ELOVL7: variants seen among roughly 807,000 people sequenced by gnomAD.
ELOVL7 encodes ELOVL fatty acid elongase 7, also known as very long chain fatty acid elongase 7.
Under a neutral mutation model 35.7 loss-of-function variants are expected in ELOVL7, and 27 were observed. That is an observed-to-expected ratio of 0.76 (90% confidence interval 0.56 to 1.04). ELOVL7 has a LOEUF of 1.04. Ranked by LOEUF, ELOVL7 falls within the 50% of genes least tolerant of loss-of-function variation. ELOVL7 has a pLI of 0.00. For missense variants in ELOVL7, 327 were observed against 340.8 expected (o/e 0.96, Z 0.32); for synonymous variants, 113 against 114.6 (o/e 0.99, Z 0.09).
intron 1 of ELOVL7, among the ~76,000 whole-genome samples, chr5:60,838,841 T>G (rs1408620959): frequency 6.6e-6 from 1 of 150,462 alleles, no homozygotes; most frequent in African/African-American, 2.5e-5. Context: ...CTGGCCAACA[T>G]AGTGAAACCC....
intron 8 of ELOVL7, among the ~76,000 whole-genome samples, chr5:60,756,136 A>G (rs1584141125): frequency 6.6e-6 from 1 of 152,264 alleles, no homozygotes; most frequent in South Asian, 2.1e-4. Flanking sequence ...TATAATAGAC[A>G]TATTTGAGAA....
intron 1 of ELOVL7, among the ~76,000 whole-genome samples, chr5:60,800,302 T>A (rs1744528023): frequency 6.6e-6 from 1 of 152,174 alleles, no homozygotes; most frequent in Admixed American, 6.5e-5. Context: ...GTGGGATTTA[T>A]CCCTAGGATA....
chr5:60,769,622 G>C (rs753863478), intron 4 of ELOVL7, among the ~76,000 whole-genome samples: 1 of 152,164 alleles, frequency 6.6e-6, no homozygotes, highest in Non-Finnish European at 1.5e-5. Context: ...CCATGTGTTC[G>C]GATGTGCCAT....
rs1035710974 is a variant in ELOVL7 at position 60,771,887 on chromosome 5, T to C, written c.255+16A>G. 6.5e-7 allele frequency: 1 copy of C among 1,543,066 alleles called. No homozygotes were observed. Among genetic ancestry groups the C allele is most frequent in the Non-Finnish European group, 8.8e-7 (1 of 1,135,428 alleles). ...TCAGGCAAAATTCTCCCATTAGGAA[T>C]ACTGAAGACACTTGCCTCATAACAC... On this transcript the variant is annotated intron_variant, in intron 4 of 8. Coordinates refer to ENST00000508821, the MANE Select transcript of ELOVL7 (RefSeq NM_024930.3).
intron 1 of ELOVL7, among the ~76,000 whole-genome samples, chr5:60,839,069 G>C (rs1250175006): frequency 6.6e-6 from 1 of 151,592 alleles, no homozygotes; most frequent in Non-Finnish European, 1.5e-5. Flanking sequence ...CAGGCATGAT[G>C]GCTCACGCCT....
At chr5:60,787,902 A>C (rs1352444417) in intron 2 of ELOVL7, among the ~76,000 whole-genome samples, 4 of 152,204 alleles carry the variant, frequency 2.6e-5, no homozygotes, top group Non-Finnish European at 5.9e-5. Context: ...AATTTTTATA[A>C]TTTAAGTAGA....
intron 4 of ELOVL7, among the ~76,000 whole-genome samples, chr5:60,771,210 A>C (rs1380965822): frequency 2.6e-5 from 4 of 152,204 alleles, no homozygotes; most frequent in Non-Finnish European, 5.9e-5. Context: ...GAAGGAAGGA[A>C]TCTCAGAAAA....
intron 2 of ELOVL7, among the ~76,000 whole-genome samples, chr5:60,791,024 C>G (rs1272079049): frequency 6.6e-6 from 1 of 152,176 alleles, no homozygotes; most frequent in Admixed American, 6.5e-5. Context: ...GTCACCCAGG[C>G]TGGAGTGCAC....
chr5:60,780,831 CAT>C (rs1173756485), intron 3 of ELOVL7, among the ~76,000 whole-genome samples: 2 of 151,966 alleles, frequency 1.3e-5, no homozygotes, highest in Non-Finnish European at 2.9e-5. Context: ...CCTCCCACGA[CAT>C]GTGGGAATTA....
At chr5:60,776,126 A>G (rs1170998782) in intron 3 of ELOVL7, among the ~76,000 whole-genome samples, 1 of 152,210 alleles carries the variant, frequency 6.6e-6, no homozygotes, top group Non-Finnish European at 1.5e-5. Context: ...AATCAACAAG[A>G]AAAAATAAAT....
intron 1 of ELOVL7, among the ~76,000 whole-genome samples, chr5:60,836,200 A>G (rs1746790130): frequency 6.6e-6 from 1 of 152,044 alleles, no homozygotes; most frequent in Non-Finnish European, 1.5e-5. Context: ...GTTAAATATC[A>G]CATCCACTAC....
intron 1 of ELOVL7, among the ~76,000 whole-genome samples, chr5:60,806,481 G>A (rs1298704356): frequency 1.3e-5 from 2 of 152,066 alleles, no homozygotes; most frequent in African/African-American, 2.4e-5. Context: ...AGCACTCAGG[G>A]GACACCCATG....
At chr5:60,820,675 C>T (rs1450437061) in intron 1 of ELOVL7, among the ~76,000 whole-genome samples, 1 of 152,194 alleles carries the variant, frequency 6.6e-6, no homozygotes, top group Admixed American at 6.5e-5. Context: ...CCCTCCCCTT[C>T]TATTATTCGT....
At chr5:60,828,725 AAT>A (rs1185292011) in intron 1 of ELOVL7, among the ~76,000 whole-genome samples, 2 of 152,234 alleles carry the variant, frequency 1.3e-5, no homozygotes, top group Non-Finnish European at 2.9e-5. Context: ...CTAATGTATT[AAT>A]AGTTATCTAT....
intron 1 of ELOVL7, among the ~76,000 whole-genome samples, chr5:60,807,107 G>T (rs145814264): frequency 0.014 from 2,079 of 152,172 alleles, 28 homozygotes; most frequent in South Asian, 0.041. Context: ...AGCCTGAGAA[G>T]CCTCACAAGT....
chr5:60,805,984 C>T (rs1744901904), intron 1 of ELOVL7, among the ~76,000 whole-genome samples: 1 of 152,210 alleles, frequency 6.6e-6, no homozygotes, highest in Non-Finnish European at 1.5e-5. Flanking sequence ...TCCTAACCTC[C>T]AGTTCTTCAG....
intron 1 of ELOVL7, among the ~76,000 whole-genome samples, chr5:60,810,158 TTTTAGGTAC>T (rs1169497031): frequency 6.6e-6 from 1 of 152,168 alleles, no homozygotes; most frequent in African/African-American, 2.4e-5. Flanking sequence ...TCTTTGAATG[TTTTAGGTAC>T]TTAAGAAAAT....
chr5:60,801,625 C>A (rs1415110223), intron 1 of ELOVL7, among the ~76,000 whole-genome samples: 1 of 151,900 alleles, frequency 6.6e-6, no homozygotes, highest in African/African-American at 2.4e-5. Flanking sequence ...ATGGCTTGAG[C>A]CCGGGAGGTC....
At chr5:60,774,041 A>G (rs921068506) in intron 3 of ELOVL7, among the ~76,000 whole-genome samples, 1 of 152,250 alleles carries the variant, frequency 6.6e-6, no homozygotes, top group African/African-American at 2.4e-5. Flanking sequence ...ACTGAAGAGT[A>G]GGTGGTCAGA....
Sources: gnomAD v4.1 joint callset for allele counts (sites outside exome capture counted in the v4.1 genomes callset) on GRCh38, gnomAD v4.1.1 for gene constraint, MANE v1.5 for transcripts, NCBI Gene and HGNC (gene_info 2026-07-23, HGNC 2026-07-21) for gene names.